Variants in DAB1 observed in about 807,000 individuals in gnomAD.
The protein encoded by DAB1 is disabled homolog 1.
A neutral mutation model predicts 64.6 loss-of-function variants in DAB1; 15 were observed. The ratio of observed to expected loss-of-function variants is 0.23; its 90% CI spans 0.16 to 0.36. DAB1 has a LOEUF of 0.36. DAB1 is among the 10% of genes least tolerant of loss of function. DAB1 has a pLI of 1.00. For missense variants in DAB1, 596 were observed against 706.7 expected, an observed-to-expected ratio of 0.84 and a Z score of 1.78; for synonymous variants, 235 against 251.9, an observed-to-expected ratio of 0.93 and a Z score of 0.64.
At chr1:58,346,860 C>T (rs958376791) in intron 3 of DAB1, among the ~76,000 whole-genome samples, 1 of 152,152 alleles carries the variant, frequency 6.6e-6, no homozygotes, top group Non-Finnish European at 1.5e-5. Flanking sequence ...GCCACACTGG[C>T]GAAGCAAGCT....
intron 7 of DAB1, among the ~76,000 whole-genome samples, chr1:57,493,139 T>TG (rs1644185881): frequency 6.6e-6 from 1 of 151,976 alleles, no homozygotes; most frequent in African/African-American, 2.4e-5. Flanking sequence ...TGTGTGTGTG[T>TG]GTGTGTGTGG....
chr1:57,796,084 GTCTAA>G (rs1650848350), intron 6 of DAB1, among the ~76,000 whole-genome samples: 1 of 151,956 alleles, frequency 6.6e-6, no homozygotes, highest in African/African-American at 2.4e-5. Context: ...TTTTCTCTAA[GTCTAA>G]TCTGGGCTCC....
intron 4 of DAB1, among the ~76,000 whole-genome samples, chr1:58,274,494 C>T (rs1198217130): frequency 1.5e-5 from 2 of 136,606 alleles, no homozygotes; most frequent in East Asian, 2.2e-4. Context: ...GTGGAGCCTA[C>T]AGAGGCAGGC....
intron 6 of DAB1, among the ~76,000 whole-genome samples, chr1:57,674,709 C>G (rs1646545925): frequency 6.6e-6 from 1 of 152,166 alleles, no homozygotes; most frequent in African/African-American, 2.4e-5. Context: ...AATATAAATA[C>G]TATTTCGGCC....
intron 5 of DAB1, among the ~76,000 whole-genome samples, chr1:58,000,844 T>C (rs1408158104): frequency 6.6e-6 from 1 of 152,008 alleles, no homozygotes; most frequent in Non-Finnish European, 1.5e-5. Context: ...GTGCTGGGAT[T>C]ACAGGTACGA....
chr1:57,428,032 G>C (rs1184032986), upstream of DAB1, among the ~76,000 whole-genome samples: 1 of 152,090 alleles, frequency 6.6e-6, no homozygotes, highest in East Asian at 1.9e-4. Flanking sequence ...GCCGGGCGTG[G>C]TGGCTCATGC....
chr1:57,742,003 G>A (rs1648018053), intron 6 of DAB1, among the ~76,000 whole-genome samples: 1 of 152,200 alleles, frequency 6.6e-6, no homozygotes, highest in East Asian at 1.9e-4. Context: ...AGAGGCCCAT[G>A]GGGGTGGAGG....
At chr1:57,947,236 G>A (rs1012349215) in intron 5 of DAB1, among the ~76,000 whole-genome samples, 1 of 152,124 alleles carries the variant, frequency 6.6e-6, no homozygotes, top group African/African-American at 2.4e-5. Context: ...TCCAAAGCAT[G>A]TGATCTTCAT....
intron 6 of DAB1, among the ~76,000 whole-genome samples, chr1:57,792,194 G>C (rs545051819): frequency 1.3e-5 from 2 of 152,074 alleles, no homozygotes; most frequent in Admixed American, 1.3e-4. Flanking sequence ...TTACCAATTT[G>C]GTTTTGTCTC....
intron 3 of DAB1, among the ~76,000 whole-genome samples, chr1:58,479,134 C>T (rs1040095040): frequency 1.3e-5 from 2 of 152,092 alleles, no homozygotes; most frequent in Admixed American, 1.3e-4. Flanking sequence ...TTAGAAGTGA[C>T]AATGGGAATG....
chr1:57,488,081 G>C lies in DAB1; in HGVS notation n.625+161511C>G, dbSNP rs75592593. Among the ~76,000 whole-genome samples the C allele has an allele frequency of 9.5e-3, 1,450 of 152,172 alleles. 28 individuals carry two copies. The highest frequency in any genetic ancestry group is 0.034 in the African/African-American group (1,402 of 41,510). On this transcript the variant is annotated intron_variant and non_coding_transcript_variant, in intron 7 of 20. Transcript: ENST00000485760. ...TAGGCTGACTTAAAATGGAATTGCT[G>C]GATCAATTGGTATGCACATTAAAAA...
chr1:57,071,395 T>C, intron 6 of DAB1, 127 bp downstream of exon 6: 1 of 1,156,276 alleles, frequency 8.6e-7, no homozygotes, highest in South Asian at 1.5e-5. Context: ...TCCTGTAATT[T>C]ACACAGGAAT....
intron 6 of DAB1, among the ~76,000 whole-genome samples, chr1:57,820,335 T>A (rs1365784502): frequency 6.6e-6 from 1 of 152,216 alleles, no homozygotes; most frequent in Non-Finnish European, 1.5e-5. Context: ...CAGCTCTGAA[T>A]AATACACACT....
intron 7 of DAB1, among the ~76,000 whole-genome samples, chr1:57,611,449 T>C (rs1645725701): frequency 6.6e-6 from 1 of 152,204 alleles, no homozygotes; most frequent in South Asian, 2.1e-4. Context: ...TCTGAATAGT[T>C]ATTATTGTAG....
intron 7 of DAB1, among the ~76,000 whole-genome samples, chr1:57,531,011 G>A (rs1390229592): frequency 2.0e-5 from 3 of 152,152 alleles, no homozygotes; most frequent in Admixed American, 2.0e-4. Context: ...GGTGATGAGA[G>A]ACTTACTTTT....
intron 3 of DAB1, among the ~76,000 whole-genome samples, chr1:58,355,244 C>T (rs1225954028): frequency 1.3e-5 from 2 of 152,218 alleles, no homozygotes; most frequent in Non-Finnish European, 2.9e-5. Context: ...TTTTTCCAAA[C>T]TCACCAGCCA....
intron 5 of DAB1, among the ~76,000 whole-genome samples, chr1:57,998,591 C>T (rs939436856): frequency 7.2e-5 from 11 of 152,074 alleles, no homozygotes; most frequent in Non-Finnish European, 1.0e-4. Context: ...CTCAAACTTC[C>T]GACCTCAGGT....
intron 7 of DAB1, among the ~76,000 whole-genome samples, chr1:57,471,456 C>T (rs567832924): frequency 5.3e-5 from 8 of 152,238 alleles, no homozygotes; most frequent in South Asian, 4.2e-4. Context: ...ACATGTTTAT[C>T]GGTCACTGAT....
At chr1:57,045,103 G>A (rs1365183924) in intron 9 of DAB1, among the ~76,000 whole-genome samples, 2 of 152,206 alleles carry the variant, frequency 1.3e-5, no homozygotes, top group Admixed American at 1.3e-4. Flanking sequence ...TAGCTTTGGA[G>A]TATGTGCCCA....
Sources: allele counts gnomAD v4.1 joint callset (sites outside exome capture counted in the v4.1 genomes callset), GRCh38; gene constraint gnomAD v4.1.1; transcripts MANE v1.5; gene names NCBI Gene and HGNC (gene_info 2026-07-23, HGNC 2026-07-21).